Variants in ARHGEF9 observed in about 807,000 individuals in gnomAD.
ARHGEF9 encodes Cdc42 guanine nucleotide exchange factor 9, also known as rho guanine nucleotide exchange factor 9.
In ARHGEF9, 2 loss-of-function variants were observed where a neutral mutation model predicts 41.3. That is an observed-to-expected ratio of 0.05 (90% CI 0.02 to 0.15). ARHGEF9 has a LOEUF of 0.15. Among genes scored for constraint, ARHGEF9 ranks in the 10% least tolerant of loss-of-function variants. The pLI, the probability that ARHGEF9 is intolerant of heterozygous loss-of-function variation, is 1.00. For synonymous variants in ARHGEF9, 160 were observed against 154.4 expected (o/e 1.04, Z -0.27); for missense variants, 225 against 424.7 (o/e 0.53, Z 4.13).
At chrX:63,770,339 G>A (rs1206245412) in intron 1 of ARHGEF9, among the ~76,000 whole-genome samples, 5 of 112,323 alleles carry the variant, frequency 4.5e-5, no homozygotes, top group Non-Finnish European at 9.4e-5. Context: ...AACTTGCATG[G>A]GGCCTGGAGC....
rs1458018410 is a variant in ARHGEF9 at position 63,661,627 on chromosome X, TAA to T, written c.1077+4257_1077+4258del. 5.4e-5 allele frequency among the ~76,000 whole-genome samples: 6 copies of T among 111,861 alleles called. No homozygotes were observed. In the East Asian group the frequency reaches 8.4e-4, roughly 16 times the overall value. The stretch of plus-strand genomic sequence containing the variant: ...TATCTGGATTTTTTGGAAGAAAAGT[TAA>T]AAGAGTGGTGACAGCAAAAATTAAA... On this transcript the variant is annotated intron_variant, in intron 7 of 9. Transcript: ENST00000671741.
At chrX:63,694,013 T>A (rs1357270920) in intron 4 of ARHGEF9, among the ~76,000 whole-genome samples, 1 of 110,453 alleles carries the variant, frequency 9.1e-6, no homozygotes, top group Non-Finnish European at 1.9e-5. Flanking sequence ...TGAAACCCCA[T>A]CTCTACTAAA....
intron 8 of ARHGEF9, among the ~76,000 whole-genome samples, chrX:63,649,992 G>A (rs1378073671): frequency 9.0e-6 from 1 of 111,620 alleles, no homozygotes; most frequent in Non-Finnish European, 1.9e-5. Context: ...GTAGGAAAAA[G>A]AAGGAAATAA....
At chrX:63,692,133 G>T (rs782669852) in intron 4 of ARHGEF9, among the ~76,000 whole-genome samples, 9 of 111,869 alleles carry the variant, frequency 8.0e-5, no homozygotes, top group Non-Finnish European at 1.3e-4. Context: ...AATGCCTCAG[G>T]TCATTGATAT....
intron 5 of ARHGEF9, among the ~76,000 whole-genome samples, chrX:63,675,568 A>G (rs1556361133): frequency 1.8e-5 from 2 of 112,126 alleles, no homozygotes; most frequent in Non-Finnish European, 3.8e-5. Context: ...GGTTTCATAA[A>G]TTAAATACAA....
At chrX:63,745,756 C>T (rs1212620988) in intron 1 of ARHGEF9, among the ~76,000 whole-genome samples, 1 of 111,285 alleles carries the variant, frequency 9.0e-6, no homozygotes, top group African/African-American at 3.3e-5. Context: ...AAATACCCAC[C>T]CCCATCACAC....
At chrX:63,654,278 A>T (rs1162093715) in intron 8 of ARHGEF9, among the ~76,000 whole-genome samples, 4 of 111,777 alleles carry the variant, frequency 3.6e-5, no homozygotes, top group Non-Finnish European at 5.6e-5. Context: ...ATTGTGTGGG[A>T]GACATTGTGT....
chrX:63,696,233 T>C (rs1556387970), intron 4 of ARHGEF9, among the ~76,000 whole-genome samples: 1 of 111,974 alleles, frequency 8.9e-6, no homozygotes, highest in Non-Finnish European at 1.9e-5. Flanking sequence ...TTTAGCTGCA[T>C]GCTTTTGTGT....
At chrX:63,713,935 T>G (rs2053130211) in intron 2 of ARHGEF9, among the ~76,000 whole-genome samples, 1 of 111,705 alleles carries the variant, frequency 9.0e-6, no homozygotes, top group African/African-American at 3.3e-5. Context: ...AGTATCATAA[T>G]AAGAAGGCTG....
intron 9 of ARHGEF9, chrX:63,640,266 T>A (rs1291732715): frequency 8.9e-6 from 1 of 112,191 alleles, no homozygotes; most frequent in Non-Finnish European, 1.9e-5. Context: ...AAAATAAATT[T>A]AAAAATCAAT....
intron 1 of ARHGEF9, chrX:63,754,883 G>T: frequency 2.1e-6 from 2 of 939,419 alleles, no homozygotes; most frequent in Middle Eastern, 4.5e-4. Context: ...CACGGGAAAG[G>T]CAAAATCCTA....
At chrX:63,677,581 C>T (rs782155504) in intron 5 of ARHGEF9, among the ~76,000 whole-genome samples, 6 of 111,203 alleles carry the variant, frequency 5.4e-5, no homozygotes, top group Non-Finnish European at 1.1e-4. Context: ...CTGGGCCCAA[C>T]GGGTCACTCT....
intron 2 of ARHGEF9, chrX:63,713,072 T>C (rs1410020037): frequency 9.0e-6 from 1 of 111,565 alleles, no homozygotes; most frequent in Non-Finnish European, 1.9e-5. Context: ...AGGAGTGTCT[T>C]AGAAAGCCAG....
At chrX:63,693,769 T>C (rs2051536682) in intron 4 of ARHGEF9, among the ~76,000 whole-genome samples, 1 of 110,345 alleles carries the variant, frequency 9.1e-6, no homozygotes, top group African/African-American at 3.3e-5. Flanking sequence ...TTTATATAGA[T>C]GGCAAATAAA....
Position 63,635,669 on chromosome X carries a change from C to G in ARHGEF9, c.*2359G>C. ...GAAGTGCGGGTTGAGAAGTAATATCCCTGATCCTGGAGCCCTGGGCAGAAG... is the reference window on the plus strand; with the variant it reads ...GAAGTGCGGGTTGAGAAGTAATATCGCTGATCCTGGAGCCCTGGGCAGAAG... On this transcript the variant is annotated 3_prime_UTR_variant, in exon 10 of 10. Coordinates refer to ENST00000671741, the MANE Select transcript of ARHGEF9 (RefSeq NM_001353921.2). 1 of 297,303 alleles carries G rather than the reference C, an allele frequency of 3.4e-6. No individual in the cohort carries two copies. The highest frequency in any genetic ancestry group is 5.9e-5 in the South Asian group (1 of 16,984). The allele number at this position is 297,303 out of a possible 1,213,427, so 24.5% of individuals were successfully genotyped here.
intron 8 of ARHGEF9, among the ~76,000 whole-genome samples, chrX:63,647,509 T>C (rs1447882798): frequency 8.9e-6 from 1 of 111,905 alleles, no homozygotes; most frequent in African/African-American, 3.3e-5. Flanking sequence ...TTGTCATTGG[T>C]TCTGTTTATA....
intron 2 of ARHGEF9, chrX:63,709,253 C>A (rs1178611149): frequency 8.9e-6 from 1 of 112,287 alleles, no homozygotes; most frequent in South Asian, 3.7e-4. Flanking sequence ...TCTTAGAGTG[C>A]TTAAAGGCTG....
At chrX:63,721,486 G>A (rs1271860478) in intron 2 of ARHGEF9, among the ~76,000 whole-genome samples, 1 of 111,173 alleles carries the variant, frequency 9.0e-6, no homozygotes, top group African/African-American at 3.3e-5. Flanking sequence ...GTAACAGGTT[G>A]TCATGTGTCC....
chrX:63,771,741 A>G (rs1316747682), intron 1 of ARHGEF9, among the ~76,000 whole-genome samples: 1 of 110,700 alleles, frequency 9.0e-6, no homozygotes, highest in African/African-American at 3.3e-5. Context: ...TAATTTTTGT[A>G]TTTTTAGTAG....
Sources: allele counts gnomAD v4.1 joint callset (sites outside exome capture counted in the v4.1 genomes callset), GRCh38; gene constraint gnomAD v4.1.1; transcripts MANE v1.5; gene names NCBI Gene and HGNC (gene_info 2026-07-23, HGNC 2026-07-21).